CAPN11: variants seen among roughly 807,000 people sequenced by gnomAD.
The protein encoded by CAPN11 is calpain 11.
A neutral mutation model predicts 105.3 loss-of-function variants in CAPN11; 108 were observed. The ratio of observed to expected loss-of-function variants is 1.03; its 90% CI spans 0.88 to 1.20. The LOEUF (loss-of-function observed/expected upper bound fraction) is 1.20. Ranked by LOEUF, CAPN11 falls within the 50% of genes most tolerant of loss-of-function variation. CAPN11 has a pLI of 0.00. For synonymous variants in CAPN11, 329 were observed against 344.5 expected (o/e 0.96, Z 0.50); for missense variants, 883 against 924.8 (o/e 0.95, Z 0.59).
intron 14 of CAPN11, 123 bp from the exon 15 acceptor site, chr6:44,180,337 A>C: frequency 1.0e-6 from 1 of 983,842 alleles, no homozygotes; most frequent in Non-Finnish European, 1.6e-6. Context: ...TAGAACTAGA[A>C]CCCATATTCC....
Position 44,181,036 on chromosome 6 carries a change from G to A in CAPN11, c.1869+39G>A, listed in dbSNP as rs749315982. ...CAGTGCTCTCTTGGCCCTGTCCCCT[G>A]CCCACAAGCCTGGCCCAGAGATGGC... On this transcript the variant is annotated intron_variant, in intron 18 of 22. Transcript: ENST00000398776. The A allele has an allele frequency of 7.6e-6, 12 of 1,581,362 alleles. No individual in the cohort carries two copies. The Admixed American group carries it at 1.7e-4, about 22-fold the overall frequency.
At chr6:44,166,973 A>G in intron 2 of CAPN11, 144 bp downstream of exon 2, 1 of 643,664 alleles carries the variant, frequency 1.6e-6, no homozygotes, top group Non-Finnish European at 2.8e-6. Context: ...GGCTACCCTC[A>G]GGAAGGGATG....
At chr6:44,181,393 G>T (rs892287425) in intron 19 of CAPN11, 73 bp downstream of exon 19, 3 of 1,195,642 alleles carry the variant, frequency 2.5e-6, no homozygotes, top group African/African-American at 3.5e-5. Flanking sequence ...ACTAATGAGG[G>T]GAAGCTAGAA....
At chr6:44,159,672 T>C (rs1768349592) in intron 1 of CAPN11, among the ~76,000 whole-genome samples, 1 of 152,194 alleles carries the variant, frequency 6.6e-6, no homozygotes, top group Non-Finnish European at 1.5e-5. Context: ...CTGGTCAGCA[T>C]AGCAAGACCT....
intron 4 of CAPN11, among the ~76,000 whole-genome samples, chr6:44,171,044 T>C (rs752767117): frequency 3.3e-5 from 5 of 152,078 alleles, no homozygotes; most frequent in South Asian, 4.1e-4. Flanking sequence ...TGTGGCTCAG[T>C]AGGCTGGAGG....
rs774285384 is a variant in CAPN11 at position 44,173,222 on chromosome 6, A to G, written c.667A>G (p.Ser223Gly). The G allele has an allele frequency of 2.5e-6, 4 of 1,613,826 alleles. No individual in the cohort carries two copies. Among genetic ancestry groups the G allele is most frequent in the Non-Finnish European group, 3.4e-6 (4 of 1,179,834 alleles). Residue 223 changes from serine to glycine, a missense_variant, in exon 7 of 23, where the codon AGT becomes GGT. Transcript: ENST00000398776. ...GTGCCTTCTCTGTGCCCACAGGCTGAGTGGGTCCTATGAAGCATTGTCAGG... is the reference window on the plus strand; with the variant it reads ...GTGCCTTCTCTGTGCCCACAGGCTGGGTGGGTCCTATGAAGCATTGTCAGG... ...ALLEKAYAKL[S>G]GSYEALSGGS...
chr6:44,161,480 G>A (rs923452182), intron 1 of CAPN11, among the ~76,000 whole-genome samples: 2 of 152,198 alleles, frequency 1.3e-5, no homozygotes, highest in African/African-American at 4.8e-5. Flanking sequence ...GATTACAGGC[G>A]TGAGCCACAG....
In CAPN11 at chr6:44,173,224, T is replaced by C. The variant is rs761601477; in HGVS notation, c.669T>C (p.Ser223=). The change falls in exon 7 of 23, where the codon AGT becomes AGC. Residue 223 remains serine (S), a synonymous_variant. Coordinates refer to ENST00000398776, the MANE Select transcript of CAPN11 (RefSeq NM_007058.4). ...GCCTTCTCTGTGCCCACAGGCTGAG[T>C]GGGTCCTATGAAGCATTGTCAGGGG... ...ALLEKAYAKL[S]GSYEALSGGS... 1.1e-5 allele frequency: 17 copies of C among 1,613,546 alleles called. 1 individual carries two copies. The South Asian group carries it at 1.9e-4, about 18-fold the overall frequency.
rs568328190 is a variant in CAPN11 at position 44,182,817 on chromosome 6, G to A, written c.1939-124G>A. The A allele has an allele frequency of 1.5e-5, 10 of 673,524 alleles. No individual in the cohort carries two copies. In the African/African-American group the frequency reaches 1.6e-4, roughly 11 times the overall value. 41.7% of individuals were successfully genotyped at this position (673,524 alleles called of 1,614,324 possible). ...TCAAACTCCTGACCTCAGATGATCC[G>A]CCTGCCTCGGCCTTTCAAAGTGCTG... On this transcript the variant is annotated intron_variant, in intron 19 of 22. Transcript: ENST00000398776.
At chr6:44,172,825 A>T in intron 5 of CAPN11, 115 bp from the exon 6 acceptor site, 5 of 1,212,644 alleles carry the variant, frequency 4.1e-6, no homozygotes, top group Non-Finnish European at 5.7e-6. Context: ...TTCCCTCTCT[A>T]TTCAGTGATT....
Position 44,166,761 on chromosome 6 carries a change from C to A in CAPN11, c.20C>A (p.Pro7Gln), listed in dbSNP as rs371144537. The A allele has an allele frequency of 3.9e-6, 6 of 1,551,514 alleles. No homozygotes were observed. The highest frequency in any genetic ancestry group is 1.2e-5 in the South Asian group (1 of 84,038). MLYSPGPSLPESAESLD... is the reference protein window; with the variant it reads MLYSPGQSLPESAESLD... ...CTCCCACTCTTTCTTATTCTAGGGCCGAGTCTTCCGGAGTCAGCAGAGAGC... is the reference window on the plus strand; with the variant it reads ...CTCCCACTCTTTCTTATTCTAGGGCAGAGTCTTCCGGAGTCAGCAGAGAGC... The change falls in exon 2 of 23, where the codon CCG becomes CAG. Residue 7 changes from proline (P) to glutamine (Q), a missense_variant. Transcript: ENST00000398776.
intron 5 of CAPN11, 123 bp from the exon 6 acceptor site, chr6:44,172,817 C>T (rs889556661): frequency 1.2e-5 from 14 of 1,159,492 alleles, no homozygotes; most frequent in Middle Eastern, 2.0e-4. Flanking sequence ...GGTTGCCTTT[C>T]CCTCTCTATT....
In CAPN11 at chr6:44,184,106, C is replaced by T. The variant is rs79082881; in HGVS notation, c.*174C>T. ...GTGTTTACTGCAGCAGTGGGACCTC[C>T]GTGCCCACTCCCCCAGCTCAGAGGC... On this transcript the variant is annotated 3_prime_UTR_variant, in exon 23 of 23. Coordinates refer to ENST00000398776, the MANE Select transcript of CAPN11 (RefSeq NM_007058.4). 0.027 allele frequency: 17,265 copies of T among 644,474 alleles called. 287 individuals carry two copies. The highest frequency in any genetic ancestry group is 0.058 in the Middle Eastern group (138 of 2,378). The allele number at this position is 644,474 out of a possible 1,614,324, so 39.9% of individuals were successfully genotyped here.
chr6:44,176,248 C>T lies in CAPN11; in HGVS notation c.916-5C>T. ...TCTGACCTTTAACCACCCCCGCCCA[C>T]CCAGGTCCACTACAGAGGCAAAATG... On this transcript the variant is annotated splice_region_variant and splice_polypyrimidine_tract_variant and intron_variant, in intron 8 of 22. Coordinates refer to ENST00000398776, the MANE Select transcript of CAPN11 (RefSeq NM_007058.4). 6 of 1,561,558 alleles carry T rather than the reference C, an allele frequency of 3.8e-6. No homozygotes were observed. Among genetic ancestry groups the T allele is most frequent in the South Asian group, 1.1e-5 (1 of 89,096 alleles).
chr6:44,176,213 A>G (rs1771980093), intron 8 of CAPN11, 40 bp from the exon 9 acceptor site: 2 of 1,607,694 alleles, frequency 1.2e-6, no homozygotes, highest in Admixed American at 1.7e-5. Context: ...CGTCTCCCTG[A>G]CCCCATAACT....
rs1277480374 is a variant in CAPN11, at chr6:44,179,648, G to A, written c.1428+18G>A. 1.2e-6 allele frequency: 2 copies of A among 1,612,420 alleles called. No homozygotes were observed. The highest frequency in any genetic ancestry group is 1.1e-5 in the South Asian group (1 of 91,048). On this transcript the variant is annotated intron_variant, in intron 13 of 22. Transcript: ENST00000398776. ...CAAAAGAGGTACAGAAGATAAAGATGTGGGGCTTGTTCCTGGACACATACC... is the reference window on the plus strand; with the variant it reads ...CAAAAGAGGTACAGAAGATAAAGATATGGGGCTTGTTCCTGGACACATACC...
intron 5 of CAPN11, among the ~76,000 whole-genome samples, chr6:44,172,703 T>C (rs1771217868): frequency 1.3e-5 from 2 of 152,212 alleles, no homozygotes; most frequent in African/African-American, 4.8e-5. Context: ...CTCTGTCACA[T>C]AATTTTTGTA....
At chr6:44,182,579 A>G (rs1200499051) in intron 19 of CAPN11, among the ~76,000 whole-genome samples, 1 of 152,094 alleles carries the variant, frequency 6.6e-6, no homozygotes. Context: ...CTGTGAGCCA[A>G]CTGTCCTAAA....
intron 1 of CAPN11, among the ~76,000 whole-genome samples, chr6:44,160,968 T>C (rs1451407496): frequency 6.6e-6 from 1 of 152,202 alleles, no homozygotes; most frequent in South Asian, 2.1e-4. Flanking sequence ...TATTGATATA[T>C]ACAGGGTTTG....
Sources: allele counts gnomAD v4.1 joint callset (sites outside exome capture counted in the v4.1 genomes callset), GRCh38; gene constraint gnomAD v4.1.1; transcripts MANE v1.5; gene names NCBI Gene and HGNC (gene_info 2026-07-23, HGNC 2026-07-21).